The following AP3D1 variants were observed in gnomAD, a reference collection of about 807,000 sequenced individuals.
The protein encoded by AP3D1 is AP-3 complex subunit delta-1.
Under a neutral mutation model 147.6 loss-of-function variants are expected in AP3D1, and 51 were observed. The ratio of observed to expected loss-of-function variants is 0.35; its 90% CI spans 0.28 to 0.44. The LOEUF (loss-of-function observed/expected upper bound fraction) is 0.44. Among genes scored for constraint, AP3D1 ranks in the 20% least tolerant of loss-of-function variants. The pLI, the probability that AP3D1 is intolerant of heterozygous loss-of-function variation, is 1.00. For missense variants in AP3D1, 1,421 were observed against 1,624.2 expected (o/e 0.87, Z 2.15); for synonymous variants, 760 against 663.0 (o/e 1.15, Z -2.25).
chr19:2,123,221 T>C (rs1217694139), intron 11 of AP3D1, 137 bp downstream of exon 11: 20 of 900,090 alleles, frequency 2.2e-5, no homozygotes, highest in Non-Finnish European at 3.5e-5. Context: ...GGGCTGCCTC[T>C]GAGGCAGAGT....
At chr19:2,164,479 GC>G (rs2019831983), upstream of AP3D1, 1 of 325,232 alleles carries the variant, frequency 3.1e-6, no homozygotes, top group Non-Finnish European at 5.6e-6. Flanking sequence ...TGGGGTGGGA[GC>G]GGGAGCCGGC....
chr19:2,140,427 C>A (rs1045404302), intron 1 of AP3D1, among the ~76,000 whole-genome samples: 2 of 152,024 alleles, frequency 1.3e-5, no homozygotes, highest in Non-Finnish European at 2.9e-5. Context: ...ACGCTCGCCG[C>A]TGATGAATGG....
intron 9 of AP3D1, among the ~76,000 whole-genome samples, chr19:2,125,080 C>T (rs1215602501): frequency 6.6e-6 from 1 of 152,114 alleles, no homozygotes; most frequent in African/African-American, 2.4e-5. Context: ...GAAATCACCG[C>T]TAAAGAACTG....
chr19:2,147,055 C>G (rs1309380808), intron 1 of AP3D1, among the ~76,000 whole-genome samples: 3 of 143,124 alleles, frequency 2.1e-5, no homozygotes, highest in South Asian at 2.3e-4. Flanking sequence ...AGAAAACCCG[C>G]TCAGTTCGGC....
At chr19:2,116,935 C>T (rs2018472676) in intron 16 of AP3D1, 189 bp from the exon 17 acceptor site, 13 of 903,938 alleles carry the variant, frequency 1.4e-5, no homozygotes, top group South Asian at 7.9e-5. Flanking sequence ...AGGAAGACTG[C>T]GGCAGGGTCA....
intron 1 of AP3D1, among the ~76,000 whole-genome samples, chr19:2,159,141 C>A (rs1020657956): frequency 5.3e-5 from 8 of 152,054 alleles, no homozygotes; most frequent in African/African-American, 1.7e-4. Context: ...AGGCACACAC[C>A]ACCAGGCCAG....
chr19:2,121,350 A>G (rs2145069276), intron 12 of AP3D1, 39 bp from the exon 13 acceptor site: 1 of 1,607,522 alleles, frequency 6.2e-7, no homozygotes, highest in South Asian at 1.1e-5. Flanking sequence ...GAGCGGACCC[A>G]GCCTGGGGCC....
rs762618929 is a variant in AP3D1 at position 2,111,350 on chromosome 19, G to T, written c.2938-18C>A. The T allele has an allele frequency of 8.1e-6, 13 of 1,613,710 alleles. No individual in the cohort carries two copies. The highest frequency in any genetic ancestry group is 1.3e-5 in the African/African-American group (1 of 74,936). On this transcript the variant is annotated intron_variant, in intron 25 of 31. Coordinates refer to ENST00000643116, the MANE Select transcript of AP3D1 (RefSeq NM_001261826.3). ...GACTCAGGCTGGAAATAGAAAAGGCGCATCAGCCTTGGGGGCCCCGAGCTC... is the reference window on the plus strand; with the variant it reads ...GACTCAGGCTGGAAATAGAAAAGGCTCATCAGCCTTGGGGGCCCCGAGCTC...
chr19:2,101,944 G>A lies in AP3D1; in HGVS notation c.*229C>T, dbSNP rs966663126. ...GGGAGTCCCTTGCTGGTTTGGGGGCGAGAAGGGGACTTCTTGCCAAAGAGA... is the reference window on the plus strand; with the variant it reads ...GGGAGTCCCTTGCTGGTTTGGGGGCAAGAAGGGGACTTCTTGCCAAAGAGA... On this transcript the variant is annotated 3_prime_UTR_variant, in exon 32 of 32. Transcript: ENST00000643116. 2.1e-5 allele frequency: 11 copies of A among 517,952 alleles called. No individual in the cohort carries two copies. Among genetic ancestry groups the A allele is most frequent in the Middle Eastern group, 5.1e-4 (1 of 1,980 alleles). 32.1% of individuals were successfully genotyped at this position (517,952 alleles called of 1,614,324 possible).
chr19:2,106,950 G>A (rs1029995737), intron 31 of AP3D1, among the ~76,000 whole-genome samples: 17 of 152,068 alleles, frequency 1.1e-4, no homozygotes, highest in Non-Finnish European at 2.4e-4. Flanking sequence ...GGAGAAAACT[G>A]AACATTAGGA....
intron 4 of AP3D1, among the ~76,000 whole-genome samples, chr19:2,134,263 C>A (rs564898477): frequency 6.6e-6 from 1 of 151,374 alleles, no homozygotes; most frequent in Non-Finnish European, 1.5e-5. Context: ...ACAAAAAATA[C>A]AAAAAAAATC....
chr19:2,149,830 A>G (rs2238613), intron 1 of AP3D1, among the ~76,000 whole-genome samples: 3,210 of 152,306 alleles, frequency 0.021, 116 homozygotes, highest in East Asian at 0.17. Flanking sequence ...GTGCAGAAAA[A>G]GTCCTCTCGG....
At position 2,110,689 on chromosome 19, in the gene AP3D1, G is replaced by C. The variant is rs1452431697; in HGVS notation, c.3175+18C>G. 1 of 1,573,984 alleles carries C rather than the reference G, an allele frequency of 6.4e-7. No individual in the cohort carries two copies. Reference sequence around the variant, plus strand: ...TCCCACAGTCCCCAGGAGAGGCCGTGAGTGGGGCAGGGCTCACCTGGGGGC... The same window carrying C: ...TCCCACAGTCCCCAGGAGAGGCCGTCAGTGGGGCAGGGCTCACCTGGGGGC... On this transcript the variant is annotated intron_variant, in intron 27 of 31. Coordinates refer to ENST00000643116, the MANE Select transcript of AP3D1 (RefSeq NM_001261826.3).
chr19:2,108,684 C>A lies in AP3D1; in HGVS notation c.3552+3G>T. On this transcript the variant is annotated splice_donor_region_variant and intron_variant, in intron 31 of 31. Coordinates refer to ENST00000643116, the MANE Select transcript of AP3D1 (RefSeq NM_001261826.3). ...AGGGTGTGCACAGCAGCCCGAGGCT[C>A]ACCTTTTTCACCAGGAGGCAGACAT... 1.9e-6 allele frequency: 3 copies of A among 1,575,656 alleles called. No individual in the cohort carries two copies. Among genetic ancestry groups the A allele is most frequent in the Non-Finnish European group, 2.6e-6 (3 of 1,160,978 alleles).
At chr19:2,111,621 C>G (rs2018279409) in intron 25 of AP3D1, 58 bp downstream of exon 25, 2 of 1,520,450 alleles carry the variant, frequency 1.3e-6, no homozygotes. Context: ...GAGTGGGGAG[C>G]AGCGCACAGC....
At chr19:2,124,002 C>T (rs913644805) in intron 9 of AP3D1, 123 bp from the exon 10 acceptor site, 4 of 1,132,638 alleles carry the variant, frequency 3.5e-6, no homozygotes, top group African/African-American at 3.1e-5. Flanking sequence ...GACAGAAATG[C>T]CACTGAGTTT....
chr19:2,157,441 C>CAAAAAAA (rs137939397), intron 1 of AP3D1, among the ~76,000 whole-genome samples: 17 of 101,118 alleles, frequency 1.7e-4, no homozygotes, highest in African/African-American at 5.9e-4. Context: ...GACTCCGTCT[C>CAAAAAAA]AAAAAAAAAA....
chr19:2,109,808 T>A (rs1015447319), intron 29 of AP3D1, 65 bp downstream of exon 29: 1 of 1,461,680 alleles, frequency 6.8e-7, no homozygotes, highest in Non-Finnish European at 9.6e-7. Flanking sequence ...GGGGCACAGG[T>A]GTCTGCAAGG....
At chr19:2,116,154 G>C (rs970826343) in intron 18 of AP3D1, 53 bp downstream of exon 18, 2 of 1,567,676 alleles carry the variant, frequency 1.3e-6, no homozygotes, top group African/African-American at 1.4e-5. Flanking sequence ...CGCGGGGCTC[G>C]GGTGGTGAGG....
Sources: gnomAD v4.1 joint callset for allele counts (sites outside exome capture counted in the v4.1 genomes callset) on GRCh38, gnomAD v4.1.1 for gene constraint, MANE v1.5 for transcripts, NCBI Gene and HGNC (gene_info 2026-07-23, HGNC 2026-07-21) for gene names.